Variants in CGGBP1 observed in about 807,000 individuals in gnomAD.
CGGBP1 encodes CGG triplet repeat-binding protein 1.
CGGBP1 carries 4 observed loss-of-function variants against 11.4 expected under a neutral mutation model. The ratio of observed to expected loss-of-function variants is 0.35; its 90% CI spans 0.17 to 0.80. The LOEUF (loss-of-function observed/expected upper bound fraction) is 0.80, where lower values mean the gene tolerates loss of function less well. Ranked by LOEUF, CGGBP1 falls within the 30% of genes least tolerant of loss-of-function variation. CGGBP1 has a pLI of 0.52. For synonymous variants in CGGBP1, 76 were observed against 74.1 expected (o/e 1.03, Z -0.13); for missense variants, 135 against 202.1 (o/e 0.67, Z 2.01).
intron 2 of CGGBP1, among the ~76,000 whole-genome samples, chr3:88,065,354 CGTT>C (rs1031082402): frequency 9.2e-5 from 14 of 151,852 alleles, no homozygotes; most frequent in African/African-American, 3.1e-4. Flanking sequence ...TTCATAATGA[CGTT>C]GTTTGTAATA....
At chr3:88,139,604 T>C in intron 2 of CGGBP1, 2 of 1,613,776 alleles carry the variant, frequency 1.2e-6, no homozygotes, top group Non-Finnish European at 1.7e-6. Context: ...CACTTACTGC[T>C]TCTAGTGAAG....
chr3:88,074,916 G>C (rs1707715928), intron 2 of CGGBP1, among the ~76,000 whole-genome samples: 1 of 152,078 alleles, frequency 6.6e-6, no homozygotes, highest in Admixed American at 6.6e-5. Flanking sequence ...CATAACTTGT[G>C]CTTATATTTT....
intron 2 of CGGBP1, among the ~76,000 whole-genome samples, chr3:88,071,700 A>T (rs1707524276): frequency 6.6e-6 from 1 of 151,492 alleles, no homozygotes; most frequent in Non-Finnish European, 1.5e-5. Flanking sequence ...GCTATTCAGG[A>T]GGATGAGGCA....
chr3:88,130,258 C>G (rs980093880), intron 2 of CGGBP1, among the ~76,000 whole-genome samples: 2 of 152,166 alleles, frequency 1.3e-5, no homozygotes, highest in African/African-American at 4.8e-5. Context: ...CACCCATATA[C>G]ACACATACAC....
intron 2 of CGGBP1, among the ~76,000 whole-genome samples, chr3:88,137,318 A>G (rs1175594826): frequency 6.6e-6 from 1 of 151,872 alleles, no homozygotes; most frequent in Non-Finnish European, 1.5e-5. Context: ...AAGTCTAATT[A>G]TAATTGACAT....
rs1296410654 is a variant in CGGBP1 at position 88,056,090 on chromosome 3, A to C, written c.-23-91T>G. On this transcript the variant is annotated intron_variant, in intron 3 of 3. Coordinates refer to ENST00000482016, the MANE Select transcript of CGGBP1 (RefSeq NM_001008390.2). ...TAAAAGGCAGTATATAAACACTTCA[A>C]ATACTTCAAAAAACTTAATTCAAAT... 5 of 945,976 alleles carry C rather than the reference A, an allele frequency of 5.3e-6. No individual in the cohort carries two copies. In the Admixed American group the frequency reaches 1.4e-4, roughly 27 times the overall value. 58.6% of individuals were successfully genotyped at this position (945,976 alleles called of 1,614,324 possible).
chr3:88,083,769 A>G (rs954034722), intron 2 of CGGBP1, among the ~76,000 whole-genome samples: 1 of 152,114 alleles, frequency 6.6e-6, no homozygotes, highest in African/African-American at 2.4e-5. Flanking sequence ...TATCCTGGCC[A>G]CCATTATGTT....
At chr3:88,090,846 G>A (rs941587750) in intron 2 of CGGBP1, among the ~76,000 whole-genome samples, 3 of 152,120 alleles carry the variant, frequency 2.0e-5, no homozygotes, top group Non-Finnish European at 2.9e-5. Flanking sequence ...TAACACTGAC[G>A]ACATCTGATA....
In CGGBP1 at chr3:88,052,685, T is replaced by C. The variant is rs1003067810; in HGVS notation, c.*2788A>G. ...TGTTTTCTGGTCCCTGAAAATTCAATAGGGCCAAATGCATTAACTGGAAAT... is the reference window on the plus strand; with the variant it reads ...TGTTTTCTGGTCCCTGAAAATTCAACAGGGCCAAATGCATTAACTGGAAAT... On this transcript the variant is annotated 3_prime_UTR_variant, in exon 4 of 4. Transcript: ENST00000482016. 5 of 152,274 alleles carry C rather than the reference T, an allele frequency of 3.3e-5. No homozygotes were observed. Among genetic ancestry groups the C allele is most frequent in the East Asian group, 1.9e-4 (1 of 5,204 alleles). The allele number at this position is 152,274 out of a possible 1,614,324, so 9.4% of individuals were successfully genotyped here.
At chr3:88,090,931 C>T (rs1159291046) in intron 2 of CGGBP1, among the ~76,000 whole-genome samples, 5 of 152,214 alleles carry the variant, frequency 3.3e-5, no homozygotes, top group African/African-American at 1.2e-4. Flanking sequence ...GGGCCTCATT[C>T]AAAGCCATCT....
Position 88,055,955 on chromosome 3 carries a change from C to T in CGGBP1, c.22G>A (p.Ala8Thr). 6.2e-7 allele frequency: 1 copy of T among 1,611,908 alleles called. No individual in the cohort carries two copies. Among genetic ancestry groups the T allele is most frequent in the East Asian group, 2.2e-5 (1 of 44,836 alleles). The change falls in exon 4 of 4, where the codon GCA (alanine) becomes ACA (threonine). Residue 8 changes from alanine (A) to threonine (T), a missense_variant. Coordinates refer to ENST00000482016, the MANE Select transcript of CGGBP1 (RefSeq NM_001008390.2). This position sits in a 1 kb window ranked among gnomAD's most constrained non-coding sequence, Gnocchi z 4.2. MERFVVT[A>T]PPARNRSKTA... ...TTAGAACGGTTTCGAGCAGGTGGTG[C>T]TGTTACTACAAATCGCTCCATTCTG...
chr3:88,059,792 C>T (rs1706745972), upstream of CGGBP1, among the ~76,000 whole-genome samples: 3 of 152,058 alleles, frequency 2.0e-5, no homozygotes, highest in South Asian at 4.1e-4. Flanking sequence ...CCTGACATGC[C>T]TTCCCTACCC....
chr3:88,059,412 A>G (rs1706704589), upstream of CGGBP1: 2 of 1,529,908 alleles, frequency 1.3e-6, no homozygotes, highest in South Asian at 2.4e-5. Context: ...TGGGGCTTAG[A>G]GCTGCGGGCG....
chr3:88,129,724 T>C, intron 2 of CGGBP1: 6 of 1,520,464 alleles, frequency 3.9e-6, no homozygotes, highest in Middle Eastern at 1.7e-4. Flanking sequence ...GGAATTGATA[T>C]CATCTGTAAT....
chr3:88,131,313 C>G (rs1445560686), intron 2 of CGGBP1, among the ~76,000 whole-genome samples: 1 of 152,022 alleles, frequency 6.6e-6, no homozygotes, highest in Non-Finnish European at 1.5e-5. Context: ...TGTTACACTG[C>G]GTATAACTGT....
intron 2 of CGGBP1, among the ~76,000 whole-genome samples, chr3:88,100,788 C>T (rs1704370806): frequency 6.6e-6 from 1 of 151,568 alleles, no homozygotes; most frequent in Non-Finnish European, 1.5e-5. Context: ...GGAAGGGGAA[C>T]ATCACACAGC....
chr3:88,104,984 C>A (rs1576287366), intron 2 of CGGBP1, among the ~76,000 whole-genome samples: 1 of 151,980 alleles, frequency 6.6e-6, no homozygotes, highest in African/African-American at 2.4e-5. Flanking sequence ...ACTAAAAATA[C>A]CAAAAATTAG....
chr3:88,055,709 G>C lies in CGGBP1; in HGVS notation c.268C>G (p.Leu90Val). ...GTTTGCGCAGTACTGTTGCACTGAA[G>C]AGATGCAGTTAGGGGCCTCTGCTTC... ...RKKQRPLTAS[L>V]QCNSTAQTEK... Residue 90 changes from leucine (L) to valine (V), a missense_variant, in exon 4 of 4, where the codon CTT (leucine) becomes GTT (valine). Leu to Val is a conservative substitution (Grantham distance 32). Coordinates refer to ENST00000482016, the MANE Select transcript of CGGBP1 (RefSeq NM_001008390.2). The surrounding 1 kb of genome is among the most constrained non-coding windows in gnomAD (Gnocchi z 4.2). The C allele has an allele frequency of 6.2e-7, 1 of 1,614,220 alleles. No individual in the cohort carries two copies. Among genetic ancestry groups the C allele is most frequent in the Non-Finnish European group, 8.5e-7 (1 of 1,180,036 alleles).
At chr3:88,094,973 A>G (rs1218101844) in intron 2 of CGGBP1, among the ~76,000 whole-genome samples, 1 of 152,152 alleles carries the variant, frequency 6.6e-6, no homozygotes, top group Non-Finnish European at 1.5e-5. Context: ...ATGAGAAATT[A>G]TCCCAGGATT....
Sources: gnomAD v4.1 joint callset for allele counts (sites outside exome capture counted in the v4.1 genomes callset) on GRCh38, gnomAD v4.1.1 for gene constraint, Gnocchi (gnomAD v3.1) non-coding constraint, MANE v1.5 for transcripts, NCBI Gene and HGNC (gene_info 2026-07-23, HGNC 2026-07-21) for gene names.